Variants in ZNF251 observed in about 807,000 individuals in gnomAD.
ZNF251 encodes the protein zinc finger protein 251.
A neutral mutation model predicts 13.5 loss-of-function variants in ZNF251; 14 were observed. That is an observed-to-expected ratio of 1.04 (90% CI 0.69 to 1.63). The LOEUF is 1.63. Among genes scored for constraint, ZNF251 ranks in the 40% most tolerant of loss-of-function variants. The probability of loss-of-function intolerance (pLI) is 0.00; values close to 1 mark genes in which losing one functional copy is unlikely to be tolerated. For missense variants in ZNF251, 764 were observed against 834.9 expected, an observed-to-expected ratio of 0.92 and a Z score of 1.05; for synonymous variants, 287 against 295.2, an observed-to-expected ratio of 0.97 and a Z score of 0.28.
At chr8:144,730,129 G>T (rs1307269885) in intron 4 of ZNF251, 1 of 985,250 alleles carries the variant, frequency 1.0e-6, no homozygotes, top group Non-Finnish European at 1.2e-6. Context: ...TGCCAAAAGA[G>T]AACTCAGGAA....
intron 4 of ZNF251, among the ~76,000 whole-genome samples, chr8:144,750,621 A>C (rs1243153321): frequency 1.3e-5 from 2 of 152,138 alleles, no homozygotes; most frequent in African/African-American, 4.8e-5. Flanking sequence ...TCTGATATTC[A>C]CTGTCAGTAC....
chr8:144,752,934 G>C (rs1824762985), intron 4 of ZNF251, among the ~76,000 whole-genome samples: 1 of 152,148 alleles, frequency 6.6e-6, no homozygotes. Context: ...ACTTACAGCT[G>C]ACATATCAAG....
intron 4 of ZNF251, among the ~76,000 whole-genome samples, chr8:144,728,837 C>G (rs546622671): frequency 6.6e-6 from 1 of 152,036 alleles, no homozygotes; most frequent in East Asian, 1.9e-4. Flanking sequence ...CACTTGTAAT[C>G]CCAACAGTTT....
At chr8:144,731,979 G>A (rs868133205) in intron 4 of ZNF251, among the ~76,000 whole-genome samples, 3 of 138,924 alleles carry the variant, frequency 2.2e-5, no homozygotes, top group African/African-American at 6.0e-5. Flanking sequence ...GTCTTTCTCC[G>A]TCACCCAGGC....
At position 144,754,681 on chromosome 8, in the gene ZNF251, G is replaced by A. The variant is rs755272979; in HGVS notation, c.33+15C>T. 16 of 1,604,658 alleles carry A rather than the reference G, an allele frequency of 1.0e-5. No individual in the cohort carries two copies. In the East Asian group the frequency reaches 1.1e-4, roughly 11 times the overall value. On this transcript the variant is annotated intron_variant, in intron 2 of 4. Coordinates refer to ENST00000292562, the MANE Select transcript of ZNF251 (RefSeq NM_138367.2). ...ATGAAGATGAAGAGGTGGGCAGGAAGGAGGGTTAACTCACCTGGTGCCCTG... is the reference window on the plus strand; with the variant it reads ...ATGAAGATGAAGAGGTGGGCAGGAAAGAGGGTTAACTCACCTGGTGCCCTG...
intron 4 of ZNF251, among the ~76,000 whole-genome samples, chr8:144,748,833 A>T (rs938842004): frequency 6.6e-6 from 1 of 152,124 alleles, no homozygotes; most frequent in Non-Finnish European, 1.5e-5. Flanking sequence ...AAAGTGCTGG[A>T]ATTACAGGAG....
intron 4 of ZNF251, among the ~76,000 whole-genome samples, chr8:144,736,341 T>A (rs1823890242): frequency 6.6e-6 from 1 of 152,058 alleles, no homozygotes; most frequent in South Asian, 2.1e-4. Context: ...AGAAAAACTT[T>A]CAGTACTTTA....
intron 4 of ZNF251, among the ~76,000 whole-genome samples, chr8:144,729,756 G>A (rs930140080): frequency 1.3e-5 from 2 of 152,176 alleles, no homozygotes; most frequent in Admixed American, 6.5e-5. Context: ...CGCACTTTGG[G>A]AGGCTGAAAT....
chr8:144,754,042 C>G, intron 3 of ZNF251, 150 bp downstream of exon 3: 1 of 1,240,896 alleles, frequency 8.1e-7, no homozygotes, highest in Non-Finnish European at 1.1e-6. Context: ...GCAGGCTTTT[C>G]CCATGGGAAA....
chr8:144,729,998 G>T, intron 4 of ZNF251: 12 of 975,340 alleles, frequency 1.2e-5, no homozygotes, highest in Non-Finnish European at 1.3e-5. Context: ...CCCAGGGCTG[G>T]CGTTGTTCCC....
rs1423368236 is a variant in ZNF251, at chr8:144,722,644, T to G, written c.1016A>C (p.His339Pro). The change falls in exon 5 of 5, where the codon CAT becomes CCT. Residue 339 changes from histidine (H) to proline (P), a missense_variant. Physicochemically the swap from His to Pro is moderately conservative, Grantham distance 77. Transcript: ENST00000292562. This position sits in a 1 kb window ranked among gnomAD's most constrained non-coding sequence, Gnocchi z 4.8. The stretch of plus-strand genomic sequence containing the variant: ...CTTCTCTCCAGTGTGAATTCTCTGA[T>G]GCTGAGTTAACTGGGGGCTCTGGCT... ...GFSQSPQLTQHQRIHTGEKPH... is the reference protein window; with the variant it reads ...GFSQSPQLTQPQRIHTGEKPH... 1.2e-6 allele frequency: 2 copies of G among 1,614,122 alleles called. No homozygotes were observed. The highest frequency in any genetic ancestry group is 2.7e-5 in the African/African-American group (2 of 74,944).
intron 4 of ZNF251, among the ~76,000 whole-genome samples, chr8:144,732,623 C>G (rs10090907): frequency 2.0e-5 from 3 of 151,222 alleles, no homozygotes; most frequent in Non-Finnish European, 4.4e-5. Context: ...CCATCCTGGC[C>G]AACACGGTGA....
At chr8:144,743,737 G>A (rs528531487) in intron 4 of ZNF251, among the ~76,000 whole-genome samples, 1 of 152,226 alleles carries the variant, frequency 6.6e-6, no homozygotes, top group African/African-American at 2.4e-5. Flanking sequence ...TCAGTGGTGT[G>A]GATTTTGGCC....
intron 4 of ZNF251, among the ~76,000 whole-genome samples, chr8:144,729,325 A>T (rs530303147): frequency 1.5e-5 from 2 of 130,972 alleles, no homozygotes; most frequent in African/African-American, 5.8e-5. Context: ...CCTTTTATTT[A>T]TTTATTTTTA....
chr8:144,730,556 G>A (rs1823663549), intron 4 of ZNF251, among the ~76,000 whole-genome samples: 1 of 147,880 alleles, frequency 6.8e-6, no homozygotes, highest in Non-Finnish European at 1.5e-5. Context: ...GCTGCGACGG[G>A]GCGTCCCGGG....
At chr8:144,749,288 A>T (rs915802538) in intron 4 of ZNF251, among the ~76,000 whole-genome samples, 11 of 152,138 alleles carry the variant, frequency 7.2e-5, no homozygotes, top group South Asian at 4.1e-4. Context: ...GGAGGTCAAG[A>T]CCAGCCTGGA....
intron 4 of ZNF251, among the ~76,000 whole-genome samples, chr8:144,726,545 A>C (rs2129934468): frequency 6.6e-6 from 1 of 151,818 alleles, no homozygotes; most frequent in African/African-American, 2.4e-5. Context: ...CAAAATAATA[A>C]TAATAATAAA....
At position 144,721,975 on chromosome 8, in the gene ZNF251, C is replaced by T. The variant is rs1823383278; in HGVS notation, c.1685G>A (p.Gly562Asp). 1 of 1,534,972 alleles carries T rather than the reference C, an allele frequency of 6.5e-7. No homozygotes were observed. Among genetic ancestry groups the T allele is most frequent in the South Asian group, 1.3e-5 (1 of 78,830 alleles). ...NLILRWTVHT[G>D]EKSFGCNEYG... ...TTCATTACATCCAAAGGATTTCTCA[C>T]CAGTGTGAACTGTCCAGCGCAGAAT... The change falls in exon 5 of 5, where the codon GGT becomes GAT. Residue 562 changes from glycine to aspartate, a missense_variant. By Grantham distance (94) the Gly-to-Asp change is moderately conservative. Transcript: ENST00000292562.
chr8:144,736,363 A>C lies in ZNF251; in HGVS notation c.278-12981T>G, dbSNP rs530452475. Among the ~76,000 whole-genome samples, 13 of 152,300 alleles carry C rather than the reference A, an allele frequency of 8.5e-5. No homozygotes were observed. In the East Asian group the frequency reaches 2.5e-3, roughly 29 times the overall value. ...CTTTCAGTACTTTATAAGGGGGCCC[A>C]AGTCACAGTAGTTCCTGAGGAGCCT... On this transcript the variant is annotated intron_variant, in intron 4 of 4. Coordinates refer to ENST00000292562, the MANE Select transcript of ZNF251 (RefSeq NM_138367.2).
Sources: allele counts gnomAD v4.1 joint callset (sites outside exome capture counted in the v4.1 genomes callset), GRCh38; gene constraint gnomAD v4.1.1; non-coding constraint Gnocchi (gnomAD v3.1); transcripts MANE v1.5; gene names NCBI Gene and HGNC (gene_info 2026-07-23, HGNC 2026-07-21).